The following PLD1 variants were observed in gnomAD, a reference collection of about 807,000 sequenced individuals.
PLD1 encodes the protein choline phosphatase 1.
A neutral mutation model predicts 137.1 loss-of-function variants in PLD1; 112 were observed. That is an observed-to-expected ratio of 0.82 (90% CI 0.70 to 0.96). The LOEUF is 0.96. PLD1 is among the 40% of genes least tolerant of loss of function. The pLI, the probability that PLD1 is intolerant of heterozygous loss-of-function variation, is 0.00. For synonymous variants in PLD1, 431 were observed against 454.7 expected, an observed-to-expected ratio of 0.95 and a Z score of 0.66; for missense variants, 1,321 against 1,342.0, an observed-to-expected ratio of 0.98 and a Z score of 0.24.
rs1274496903 is a variant in PLD1, at chr3:171,708,707, CT to C, written c.1145+47del. ...AACAGCACTATACCACTGTACATTT[CT>C]AAACATAGAGACTTCCAGAAAAAAA... On this transcript the variant is annotated intron_variant, in intron 11 of 26. Coordinates refer to ENST00000351298, the MANE Select transcript of PLD1 (RefSeq NM_002662.5). The C allele has an allele frequency of 7.2e-6, 7 of 973,778 alleles. No homozygotes were observed. The African/African-American group carries it at 8.0e-5, about 11-fold the overall frequency. 60.3% of individuals were successfully genotyped at this position (973,778 alleles called of 1,614,324 possible).
chr3:171,789,408 G>T (rs996002195), intron 1 of PLD1: 2 of 152,246 alleles, frequency 1.3e-5, no homozygotes, highest in Admixed American at 1.3e-4. Context: ...TTCATGGAGG[G>T]ATTTAAGCTG....
rs773020634 is a variant in PLD1 at position 171,688,865 on chromosome 3, G to A, written c.1350C>T (p.His450=). Residue 450 remains histidine, a synonymous_variant, in exon 14 of 27, where the codon CAC becomes CAT. Transcript: ENST00000351298. ...RLHPNIKVMR[H]PDHVSSTVYL... ...AGACGGTGGATGACACATGATCCGG[G>A]TGTCTCATCACCTTGAGAGGGAATA... is the stretch of plus-strand genomic sequence containing the variant. 6 of 1,613,324 alleles carry A rather than the reference G, an allele frequency of 3.7e-6. No individual in the cohort carries two copies. Among genetic ancestry groups the A allele is most frequent in the East Asian group, 2.2e-5 (1 of 44,880 alleles).
At chr3:171,624,078 C>CA (rs1333305101) in intron 23 of PLD1, among the ~76,000 whole-genome samples, 2 of 145,172 alleles carry the variant, frequency 1.4e-5, no homozygotes, top group African/African-American at 2.5e-5. Context: ...ACACGACAAG[C>CA]AAAAAACAAA....
chr3:171,627,717 T>C (rs1233444274), intron 23 of PLD1, among the ~76,000 whole-genome samples: 3 of 152,136 alleles, frequency 2.0e-5, no homozygotes, highest in Non-Finnish European at 4.4e-5. Flanking sequence ...CACTCAAAAC[T>C]GCTCAACTAC....
intron 1 of PLD1, among the ~76,000 whole-genome samples, chr3:171,761,428 A>T (rs1721382769): frequency 6.6e-6 from 1 of 152,200 alleles, no homozygotes; most frequent in Non-Finnish European, 1.5e-5. Flanking sequence ...ACACGCTGGC[A>T]TCTACCTCAA....
At chr3:171,769,537 G>A (rs1722199676) in intron 1 of PLD1, among the ~76,000 whole-genome samples, 1 of 152,172 alleles carries the variant, frequency 6.6e-6, no homozygotes, top group African/African-American at 2.4e-5. Flanking sequence ...GCACTTTTGG[G>A]AAAGCTAAAA....
chr3:171,796,628 C>T (rs1030019718), intron 1 of PLD1, among the ~76,000 whole-genome samples: 3 of 152,174 alleles, frequency 2.0e-5, no homozygotes, highest in Admixed American at 2.0e-4. Context: ...CTAGTCCACT[C>T]CTCTCCTGAA....
intron 5 of PLD1, 120 bp downstream of exon 5, chr3:171,734,745 G>T: frequency 1.6e-6 from 1 of 630,546 alleles, no homozygotes. Context: ...AAACCAGCCT[G>T]GGGATCAATG....
chr3:171,669,126 G>C (rs1234712092), intron 19 of PLD1, among the ~76,000 whole-genome samples: 1 of 152,092 alleles, frequency 6.6e-6, no homozygotes, highest in Non-Finnish European at 1.5e-5. Context: ...TGGTGGGCAG[G>C]CATCCATACT....
chr3:171,687,040 T>C lies in PLD1; in HGVS notation c.1754-242A>G, dbSNP rs550267236. ...TTTCTGGATAGGAAGATAAATGTAA[T>C]TTCTTCTAAGAAAAGTTTATAAAGT... is the stretch of plus-strand genomic sequence containing the variant. On this transcript the variant is annotated intron_variant, in intron 15 of 26. Transcript: ENST00000351298. Among the ~76,000 whole-genome samples the C allele has an allele frequency of 8.5e-5, 13 of 152,360 alleles. No individual in the cohort carries two copies. The Middle Eastern group carries it at 0.01, about 120-fold the overall frequency.
intron 19 of PLD1, among the ~76,000 whole-genome samples, chr3:171,666,477 G>C (rs1272845454): frequency 6.6e-6 from 1 of 152,212 alleles, no homozygotes; most frequent in African/African-American, 2.4e-5. Context: ...CATGACATGT[G>C]GGGGATTATT....
At chr3:171,667,756 C>T (rs1233678533) in intron 19 of PLD1, among the ~76,000 whole-genome samples, 1 of 152,170 alleles carries the variant, frequency 6.6e-6, no homozygotes, top group Non-Finnish European at 1.5e-5. Context: ...ATCCCCACCA[C>T]TTACTGTTTG....
At chr3:171,756,602 C>T (rs1216910185) in intron 1 of PLD1, among the ~76,000 whole-genome samples, 1 of 152,170 alleles carries the variant, frequency 6.6e-6, no homozygotes, top group African/African-American at 2.4e-5. Context: ...CTTAAGAATG[C>T]ATAGGCATAG....
At chr3:171,648,609 C>A (rs1029334817) in intron 21 of PLD1, among the ~76,000 whole-genome samples, 3 of 150,922 alleles carry the variant, frequency 2.0e-5, no homozygotes, top group African/African-American at 7.3e-5. Context: ...GGCTGGAGTG[C>A]CGTGGTGCGA....
chr3:171,645,744 C>T (rs1281993111), intron 21 of PLD1, among the ~76,000 whole-genome samples: 1 of 151,848 alleles, frequency 6.6e-6, no homozygotes, highest in Admixed American at 6.6e-5. Flanking sequence ...ATTAGCCGGG[C>T]GTGGTGGCGG....
intron 16 of PLD1, among the ~76,000 whole-genome samples, chr3:171,678,816 C>T (rs1028422235): frequency 2.6e-5 from 4 of 152,102 alleles, no homozygotes; most frequent in African/African-American, 7.2e-5. Context: ...CTTGTTTTTC[C>T]CCACCCAACC....
chr3:171,800,697 G>A (rs1021346003), intron 1 of PLD1, among the ~76,000 whole-genome samples: 2 of 152,152 alleles, frequency 1.3e-5, no homozygotes, highest in African/African-American at 4.8e-5. Flanking sequence ...AGACTAGGTG[G>A]CTTATAAACA....
chr3:171,686,691 G>A lies in PLD1; in HGVS notation c.1861C>T (p.His621Tyr). Residue 621 changes from histidine to tyrosine, a missense_variant, in exon 16 of 27, where the codon CAT (histidine) becomes TAT (tyrosine). Coordinates refer to ENST00000351298, the MANE Select transcript of PLD1 (RefSeq NM_002662.5). ...SESEQGLTRP[H>Y]ADTGSIRSLQ... ...CACTTCACAAATTACTTACCAGCAT[G>A]AGGTCTAGTGAGTCCTTGCTCAGAC... 2 of 1,528,490 alleles carry A rather than the reference G, an allele frequency of 1.3e-6. No individual in the cohort carries two copies. Among genetic ancestry groups the A allele is most frequent in the Non-Finnish European group, 1.8e-6 (2 of 1,111,068 alleles). The allele number at this position is 1,528,490 out of a possible 1,614,324, so 94.7% of individuals were successfully genotyped here.
intron 1 of PLD1, among the ~76,000 whole-genome samples, chr3:171,795,479 C>T (rs1240669561): frequency 1.3e-5 from 2 of 152,206 alleles, no homozygotes; most frequent in Non-Finnish European, 2.9e-5. Context: ...GCCTCCTTCC[C>T]TAGATGACTG....
Sources: gnomAD v4.1 joint callset for allele counts (sites outside exome capture counted in the v4.1 genomes callset) on GRCh38, gnomAD v4.1.1 for gene constraint, MANE v1.5 for transcripts, NCBI Gene and HGNC (gene_info 2026-07-23, HGNC 2026-07-21) for gene names.